The following FAM120A variants were observed in gnomAD, a reference collection of about 807,000 sequenced individuals.
FAM120A encodes family with sequence similarity 120 member A.
A neutral mutation model predicts 109.7 loss-of-function variants in FAM120A; 15 were observed. The observed-to-expected ratio is 0.14, with a 90% confidence interval of 0.09 to 0.21. FAM120A has a LOEUF of 0.21. Ranked by LOEUF, FAM120A falls within the 10% of genes least tolerant of loss-of-function variation. FAM120A has a pLI of 1.00. For synonymous variants in FAM120A, 493 were observed against 572.8 expected (o/e 0.86, Z 1.99); for missense variants, 899 against 1,439.3 (o/e 0.62, Z 6.07).
intron 3 of FAM120A, among the ~76,000 whole-genome samples, chr9:93,480,172 T>C (rs2131290792): frequency 6.6e-6 from 1 of 152,344 alleles, no homozygotes. Flanking sequence ...AAGGTGGGCA[T>C]TGAATTTCTT....
chr9:93,543,524 C>T, intron 11 of FAM120A, 53 bp downstream of exon 11: 1 of 1,582,978 alleles, frequency 6.3e-7, no homozygotes, highest in Non-Finnish European at 8.6e-7. Flanking sequence ...GTGTAGGGGC[C>T]ATGACCATGG....
intron 1 of FAM120A, among the ~76,000 whole-genome samples, chr9:93,463,583 T>C (rs1252621250): frequency 6.6e-6 from 1 of 152,224 alleles, no homozygotes; most frequent in Non-Finnish European, 1.5e-5. Flanking sequence ...AGTGTTAGTT[T>C]TTCCCATTTC....
In FAM120A at chr9:93,564,378, C is replaced by T. The variant is rs370300082; in HGVS notation, c.3195C>T (p.Asn1065=). 51 of 1,612,538 alleles carry T rather than the reference C, an allele frequency of 3.2e-5. No homozygotes were observed. Among genetic ancestry groups the T allele is most frequent in the Non-Finnish European group, 3.9e-5 (46 of 1,180,012 alleles). ...MAEEKPAPQM[N]GSTGDARAPS... ...AGGAGAAGCCGGCTCCCCAGATGAACGGGAGCACGGGTGACGCCAGGGCCC... is the reference window on the plus strand; with the variant it reads ...AGGAGAAGCCGGCTCCCCAGATGAATGGGAGCACGGGTGACGCCAGGGCCC... Residue 1065 remains asparagine, a synonymous_variant, in exon 18 of 18, where the codon AAC becomes AAT. Transcript: ENST00000277165.
At chr9:93,508,279 C>A (rs1860154922) in intron 5 of FAM120A, among the ~76,000 whole-genome samples, 1 of 152,196 alleles carries the variant, frequency 6.6e-6, no homozygotes, top group East Asian at 1.9e-4. Context: ...AGATGCTACA[C>A]AGTGATGAGC....
chr9:93,480,837 G>C (rs2131293010), intron 3 of FAM120A, among the ~76,000 whole-genome samples: 1 of 152,334 alleles, frequency 6.6e-6, no homozygotes. Context: ...AAGTGGGCTG[G>C]ATGCATATTG....
At chr9:93,478,668 G>T (rs889897261) in intron 3 of FAM120A, among the ~76,000 whole-genome samples, 4 of 152,120 alleles carry the variant, frequency 2.6e-5, no homozygotes, top group Non-Finnish European at 4.4e-5. Flanking sequence ...TAGAGGCAGG[G>T]TTTCACCATG....
chr9:93,557,168 C>T lies in FAM120A; in HGVS notation c.2484+577C>T, dbSNP rs550299454. Among the ~76,000 whole-genome samples the T allele has an allele frequency of 1.3e-4, 17 of 127,436 alleles. No individual in the cohort carries two copies. The South Asian group carries it at 3.9e-3, about 29-fold the overall frequency. 83.6% of individuals were successfully genotyped at this position (127,436 alleles called of 152,430 possible). A position where few individuals can be genotyped will look rare whatever the true frequency, so the allele number is the denominator to read the frequency against. ...TTTTGAGATGGAGTTTCGCTCTTGT[C>T]GCCCAGGCTGGAGTGCAGTGGTGCG... On this transcript the variant is annotated intron_variant, in intron 13 of 17. Coordinates refer to ENST00000277165, the MANE Select transcript of FAM120A (RefSeq NM_014612.5).
At chr9:93,457,672 A>G (rs1857610509) in intron 1 of FAM120A, among the ~76,000 whole-genome samples, 1 of 152,188 alleles carries the variant, frequency 6.6e-6, no homozygotes, top group Non-Finnish European at 1.5e-5. Context: ...TTTTTAAAAA[A>G]ATTATTCCAT....
intron 1 of FAM120A, among the ~76,000 whole-genome samples, chr9:93,463,530 G>A (rs1195676097): frequency 6.6e-6 from 1 of 152,124 alleles, no homozygotes; most frequent in East Asian, 1.9e-4. Context: ...TTTTTTTAAT[G>A]TTCTTATTCT....
chr9:93,540,124 G>T (rs1861643376), intron 10 of FAM120A, among the ~76,000 whole-genome samples: 1 of 152,172 alleles, frequency 6.6e-6, no homozygotes, highest in Non-Finnish European at 1.5e-5. Context: ...CTAGGCCCAG[G>T]TCTGAGAACC....
At chr9:93,453,919 A>G (rs1857423364) in intron 1 of FAM120A, among the ~76,000 whole-genome samples, 2 of 152,250 alleles carry the variant, frequency 1.3e-5, no homozygotes, top group Non-Finnish European at 2.9e-5. Flanking sequence ...TGGTAACCGC[A>G]CAGCTCTCTA....
At chr9:93,471,563 T>A (rs1858316378) in intron 2 of FAM120A, among the ~76,000 whole-genome samples, 176 bp downstream of exon 2, 1 of 152,244 alleles carries the variant, frequency 6.6e-6, no homozygotes. Flanking sequence ...GCATAGCTAA[T>A]GTGCTACTTT....
intron 1 of FAM120A, among the ~76,000 whole-genome samples, chr9:93,467,035 G>A (rs866245407): frequency 8.5e-5 from 13 of 152,086 alleles, no homozygotes; most frequent in Admixed American, 2.6e-4. Context: ...CAATTTTATA[G>A]ATTTGTCAGT....
At chr9:93,547,178 A>C (rs34626069) in intron 11 of FAM120A, among the ~76,000 whole-genome samples, 26 of 152,326 alleles carry the variant, frequency 1.7e-4, no homozygotes, top group Non-Finnish European at 3.1e-4. Context: ...GGGATGCAGC[A>C]TGGATAAAAT....
At chr9:93,455,227 A>G (rs1445974233) in intron 1 of FAM120A, among the ~76,000 whole-genome samples, 2 of 152,246 alleles carry the variant, frequency 1.3e-5, no homozygotes, top group African/African-American at 2.4e-5. Context: ...GGTGTAGGTA[A>G]CAACTTGCAT....
In FAM120A at chr9:93,467,892, T is replaced by C. The variant is rs1184789897; in HGVS notation, c.475-3249T>C. Among the ~76,000 whole-genome samples, 4 of 152,222 alleles carry C rather than the reference T, an allele frequency of 2.6e-5. No homozygotes were observed. The East Asian group carries it at 7.7e-4, about 29-fold the overall frequency. On this transcript the variant is annotated intron_variant, in intron 1 of 17. Coordinates refer to ENST00000277165, the MANE Select transcript of FAM120A (RefSeq NM_014612.5). The stretch of plus-strand genomic sequence containing the variant: ...TTTTTGTATTTTTTTTGGTTTCTTT[T>C]TTTTTTGAGACGGAGTTTCGCTCTT...
chr9:93,560,120 C>T (rs1217812912), intron 15 of FAM120A, among the ~76,000 whole-genome samples: 4 of 151,954 alleles, frequency 2.6e-5, no homozygotes, highest in Non-Finnish European at 5.9e-5. Flanking sequence ...TAGTGAGACC[C>T]CTGCCTCTAC....
intron 3 of FAM120A, among the ~76,000 whole-genome samples, chr9:93,483,202 A>C (rs1195848714): frequency 1.3e-5 from 2 of 152,224 alleles, no homozygotes; most frequent in African/African-American, 4.8e-5. Context: ...ATTTCTCCTT[A>C]CATGTTAGTG....
At position 93,452,415 on chromosome 9, in the gene FAM120A, G is replaced by T; in HGVS notation, c.474+26G>T. On this transcript the variant is annotated intron_variant, in intron 1 of 17. Transcript: ENST00000277165. This position sits in a 1 kb window ranked among gnomAD's most constrained non-coding sequence, Gnocchi z 7.0. ...GTGAGGCCGGGGATCCGGGCGGGCC[G>T]GGGACCGGGGCCGCGCCGCACCCCT... 1.3e-6 allele frequency: 2 copies of T among 1,583,458 alleles called. No homozygotes were observed. Among genetic ancestry groups the T allele is most frequent in the East Asian group, 2.3e-5 (1 of 43,344 alleles).
Sources: gnomAD v4.1 joint callset for allele counts (sites outside exome capture counted in the v4.1 genomes callset) on GRCh38, gnomAD v4.1.1 for gene constraint, Gnocchi (gnomAD v3.1) non-coding constraint, MANE v1.5 for transcripts, NCBI Gene and HGNC (gene_info 2026-07-23, HGNC 2026-07-21) for gene names.